The following SNAP47 variants were observed in gnomAD, a reference collection of about 807,000 sequenced individuals.
The protein encoded by SNAP47 is synaptosome associated protein 47.
SNAP47 carries 20 observed loss-of-function variants against 31.4 expected under a neutral mutation model. That is an observed-to-expected ratio of 0.64 (90% CI 0.45 to 0.93). The LOEUF is 0.93. Among genes scored for constraint, SNAP47 ranks in the 40% least tolerant of loss-of-function variants. SNAP47 has a pLI of 0.00. For missense variants in SNAP47, 492 were observed against 528.5 expected (o/e 0.93, Z 0.68); for synonymous variants, 194 against 213.4 (o/e 0.91, Z 0.79).
chr1:227,735,470 C>A lies in SNAP47; in HGVS notation c.-75C>A, dbSNP rs762036309. The A allele has an allele frequency of 2.8e-5, 40 of 1,435,084 alleles. 1 individual carries two copies. The highest frequency in any genetic ancestry group is 5.3e-5 in the East Asian group (2 of 37,548). The allele number at this position is 1,435,084 out of a possible 1,614,324, so 88.9% of individuals were successfully genotyped here. On this transcript the variant is annotated 5_prime_UTR_variant, in exon 1 of 5. Transcript: ENST00000617596. ...CGCCGAGCGGCCGAGGCGCCGCGGT[C>A]GGCTCTGGGACTCGTCTGGCGTCCC...
At chr1:227,759,651 C>T in intron 3 of SNAP47, 166 bp downstream of exon 3, 2 of 831,766 alleles carry the variant, frequency 2.4e-6, no homozygotes, top group Non-Finnish European at 3.7e-6. Flanking sequence ...AATTCCAGAC[C>T]ATTTTCCTTG....
chr1:227,732,388 G>A (rs574239761), upstream of SNAP47: 160 of 1,611,314 alleles, frequency 9.9e-5, 2 homozygotes, highest in South Asian at 1.7e-3. Flanking sequence ...CCTCACGACA[G>A]GTGCTATGGG....
chr1:227,749,294 C>A (rs1662187551), intron 2 of SNAP47, among the ~76,000 whole-genome samples: 1 of 152,006 alleles, frequency 6.6e-6, no homozygotes, highest in South Asian at 2.1e-4. Flanking sequence ...GTCCTGGGGT[C>A]CTGTCTGGAG....
chr1:227,767,547 A>ATG (rs1364310807), intron 4 of SNAP47, among the ~76,000 whole-genome samples: 1 of 151,892 alleles, frequency 6.6e-6, no homozygotes, highest in Non-Finnish European at 1.5e-5. Context: ...TTGTGAGTAC[A>ATG]TGTGTGTGTT....
upstream of SNAP47, chr1:227,733,695 A>G (rs746429766): frequency 3.1e-6 from 5 of 1,599,340 alleles, no homozygotes; most frequent in Non-Finnish European, 4.2e-6. Flanking sequence ...CGGCAGCAAG[A>G]GCGCCTGGTT....
upstream of SNAP47, chr1:227,735,330 T>C (rs754278204): frequency 5.6e-6 from 9 of 1,600,112 alleles, no homozygotes; most frequent in Non-Finnish European, 3.4e-6. Flanking sequence ...GCGGAAACGG[T>C]GAGGACCAGC....
intron 4 of SNAP47, among the ~76,000 whole-genome samples, chr1:227,768,918 GT>G (rs1323403150): frequency 1.3e-5 from 2 of 152,236 alleles, no homozygotes; most frequent in Admixed American, 6.5e-5. Context: ...GTATCCCACG[GT>G]TGTGTTTAGA....
At chr1:227,750,356 C>T (rs1662267787) in intron 2 of SNAP47, among the ~76,000 whole-genome samples, 1 of 152,262 alleles carries the variant, frequency 6.6e-6, no homozygotes, top group South Asian at 2.1e-4. Flanking sequence ...TGCACGGGGC[C>T]TGCCCACATT....
intron 3 of SNAP47, among the ~76,000 whole-genome samples, chr1:227,764,793 GC>G (rs773538364): frequency 6.6e-5 from 10 of 152,044 alleles, no homozygotes; most frequent in South Asian, 2.1e-4. Flanking sequence ...ACTCCCAGCT[GC>G]TCGGGAGGCT....
intron 1 of SNAP47, among the ~76,000 whole-genome samples, chr1:227,743,588 A>G (rs1448070252): frequency 6.6e-6 from 1 of 152,188 alleles, no homozygotes; most frequent in African/African-American, 2.4e-5. Context: ...AGGCTCTTCT[A>G]GAAGGTTCTC....
At chr1:227,759,698 A>C in intron 3 of SNAP47, 2 of 623,414 alleles carry the variant, frequency 3.2e-6, no homozygotes, top group South Asian at 2.0e-5. Flanking sequence ...ACTGAGAGTT[A>C]ACTGTACACT....
At chr1:227,775,994 G>A in intron 4 of SNAP47, 3 of 1,246,014 alleles carry the variant, frequency 2.4e-6, no homozygotes, top group Non-Finnish European at 3.1e-6. Context: ...TTGGAGGAAA[G>A]TGGCTTTGGT....
chr1:227,735,242 C>A, upstream of SNAP47: 1 of 1,600,978 alleles, frequency 6.2e-7, no homozygotes, highest in Non-Finnish European at 8.5e-7. Flanking sequence ...TCGGAAGTGG[C>A]TGTCGGCGAG....
intron 4 of SNAP47, among the ~76,000 whole-genome samples, chr1:227,777,777 C>A (rs1344836455): frequency 6.6e-6 from 1 of 152,182 alleles, no homozygotes; most frequent in African/African-American, 2.4e-5. Flanking sequence ...AGAGCCAGAG[C>A]AGGTCCTGGC....
intron 4 of SNAP47, among the ~76,000 whole-genome samples, chr1:227,779,520 G>A (rs929916426): frequency 1.3e-5 from 2 of 152,204 alleles, no homozygotes; most frequent in African/African-American, 4.8e-5. Flanking sequence ...TGTCCAACTG[G>A]TGGGTACACA....
intron 2 of SNAP47, among the ~76,000 whole-genome samples, chr1:227,749,194 G>A (rs965767267): frequency 1.3e-5 from 2 of 152,074 alleles, no homozygotes; most frequent in Admixed American, 6.6e-5. Flanking sequence ...CTTGTTTATT[G>A]CCTTTTTTGT....
At chr1:227,776,901 CA>C (rs1261617170) in intron 4 of SNAP47, 2 of 985,258 alleles carry the variant, frequency 2.0e-6, no homozygotes, top group Non-Finnish European at 2.4e-6. Context: ...ATTTTCAAAT[CA>C]AAAAGTACAG....
At chr1:227,749,116 G>A (rs532025090) in intron 2 of SNAP47, among the ~76,000 whole-genome samples, 5 of 152,230 alleles carry the variant, frequency 3.3e-5, no homozygotes, top group Admixed American at 2.0e-4. Context: ...GTCATGGCCC[G>A]AGCATCTTCT....
At chr1:227,756,634 A>C (rs1296651812) in intron 2 of SNAP47, among the ~76,000 whole-genome samples, 1 of 152,146 alleles carries the variant, frequency 6.6e-6, no homozygotes, top group African/African-American at 2.4e-5. Context: ...TATTTCCAGC[A>C]AACAGTTAGG....
Sources: allele counts gnomAD v4.1 joint callset (sites outside exome capture counted in the v4.1 genomes callset), GRCh38; gene constraint gnomAD v4.1.1; transcripts MANE v1.5; gene names NCBI Gene and HGNC (gene_info 2026-07-23, HGNC 2026-07-21).